LAMB4: variants seen among roughly 807,000 people sequenced by gnomAD.
The protein encoded by LAMB4 is laminin subunit beta-4.
In LAMB4, 196 loss-of-function variants were observed where a neutral mutation model predicts 199.2. The observed-to-expected ratio is 0.98, with a 90% CI of 0.88 to 1.11. The LOEUF (loss-of-function observed/expected upper bound fraction) is 1.11. Among genes scored for constraint, LAMB4 ranks in the 50% least tolerant of loss-of-function variants. The pLI is 0.00. For missense variants in LAMB4, 2,080 were observed against 2,171.2 expected (o/e 0.96, Z 0.83); for synonymous variants, 744 against 770.6 (o/e 0.97, Z 0.57).
chr7:108,117,635 T>C (rs987812346), intron 2 of LAMB4, among the ~76,000 whole-genome samples: 2 of 152,116 alleles, frequency 1.3e-5, no homozygotes, highest in Non-Finnish European at 2.9e-5. Context: ...GGCGAGTCCA[T>C]ACGGTAAAGT....
At chr7:108,047,833 G>T in intron 28 of LAMB4, 75 bp downstream of exon 28, 1 of 1,173,718 alleles carries the variant, frequency 8.5e-7, no homozygotes, top group Non-Finnish European at 1.3e-6. Flanking sequence ...AAGTTATATG[G>T]CAGTTTTATA....
intron 31 of LAMB4, among the ~76,000 whole-genome samples, 177 bp from the exon 32 acceptor site, chr7:108,031,156 A>G (rs947918536): frequency 2.0e-5 from 3 of 151,856 alleles, no homozygotes; most frequent in African/African-American, 7.2e-5. Flanking sequence ...GACATACAAA[A>G]GGGTCTGAAA....
chr7:108,026,659 G>A (rs148477156), intron 33 of LAMB4: 10 of 221,260 alleles, frequency 4.5e-5, no homozygotes, highest in Admixed American at 1.1e-4. Flanking sequence ...TTATGCCCAC[G>A]CATGCTTTCT....
At chr7:108,097,809 T>A (rs1473584488) in intron 11 of LAMB4, among the ~76,000 whole-genome samples, 1 of 152,136 alleles carries the variant, frequency 6.6e-6, no homozygotes, top group Non-Finnish European at 1.5e-5. Flanking sequence ...TTTAATGGAT[T>A]TGTATGTAGA....
At chr7:108,094,403 A>G (rs1169630511) in intron 12 of LAMB4, among the ~76,000 whole-genome samples, 2 of 151,684 alleles carry the variant, frequency 1.3e-5, no homozygotes, top group Admixed American at 6.6e-5. Context: ...CCTTCTTCAT[A>G]TTTCCTTCCT....
intron 21 of LAMB4, among the ~76,000 whole-genome samples, chr7:108,064,893 C>CTT (rs59452561): frequency 1.7e-4 from 23 of 138,810 alleles, no homozygotes; most frequent in Admixed American, 1.4e-3. Flanking sequence ...GTGTAAATAC[C>CTT]TTTTTTTTTT....
Position 108,109,156 on chromosome 7 carries a change from C to G in LAMB4, c.402+15G>C, listed in dbSNP as rs2038129376. On this transcript the variant is annotated intron_variant, in intron 5 of 33. Coordinates refer to ENST00000388781, the MANE Select transcript of LAMB4 (RefSeq NM_007356.3). ...GAATAGATAAAAGAGGGGCAGCAGG[C>G]CTATTAGTCTGTACCTTAAAGGTCA... 6.3e-7 allele frequency: 1 copy of G among 1,576,588 alleles called. No individual in the cohort carries two copies. Among genetic ancestry groups the G allele is most frequent in the Non-Finnish European group, 8.7e-7 (1 of 1,146,366 alleles).
chr7:108,076,271 G>T (rs1563069563), intron 17 of LAMB4, among the ~76,000 whole-genome samples: 1 of 152,122 alleles, frequency 6.6e-6, no homozygotes, highest in Non-Finnish European at 1.5e-5. Context: ...CAAGGGACAA[G>T]CCTGGGTCTG....
Position 108,116,144 on chromosome 7 carries a change from T to C in LAMB4, c.52A>G (p.Lys18Glu). 1 of 1,613,924 alleles carries C rather than the reference T, an allele frequency of 6.2e-7. No individual in the cohort carries two copies. The highest frequency in any genetic ancestry group is 8.5e-7 in the Non-Finnish European group (1 of 1,179,894). ...FLHLGWLSYS[K>E]AQDDCNRGAC... is the part of the protein sequence containing the mutation. ...CCCCTGTTGCAGTCATCTTGAGCTTTTGAGTAACTGAGCCACCCTTGAACA... is the reference window on the plus strand; with the variant it reads ...CCCCTGTTGCAGTCATCTTGAGCTTCTGAGTAACTGAGCCACCCTTGAACA... Residue 18 changes from lysine to glutamate, a missense_variant, in exon 3 of 34, where the codon AAA becomes GAA. Coordinates refer to ENST00000388781, the MANE Select transcript of LAMB4 (RefSeq NM_007356.3).
intron 32 of LAMB4, 68 bp downstream of exon 32, chr7:108,030,738 G>T: frequency 2.7e-6 from 4 of 1,463,622 alleles, no homozygotes; most frequent in Non-Finnish European, 3.8e-6. Context: ...AAAAATCTGG[G>T]GTTAAAGAAC....
chr7:108,090,444 T>A (rs2037353929), intron 14 of LAMB4, among the ~76,000 whole-genome samples: 1 of 152,186 alleles, frequency 6.6e-6, no homozygotes, highest in South Asian at 2.1e-4. Context: ...GTCCTGGATA[T>A]TTTTCCTTAA....
At chr7:108,112,713 A>G (rs1470305500) in intron 3 of LAMB4, among the ~76,000 whole-genome samples, 2 of 152,224 alleles carry the variant, frequency 1.3e-5, no homozygotes, top group Non-Finnish European at 2.9e-5. Context: ...GGATTTCCAA[A>G]GCACTGTCAG....
At chr7:108,021,135 T>C (rs937483526), downstream of LAMB4, among the ~76,000 whole-genome samples, 2 of 152,228 alleles carry the variant, frequency 1.3e-5, no homozygotes, top group Non-Finnish European at 2.9e-5. Context: ...TTATAAAATA[T>C]ATTTCATTTT....
Position 108,066,555 on chromosome 7 carries a change from T to C in LAMB4, c.2492A>G (p.Gln831Arg). The C allele has an allele frequency of 1.2e-6, 2 of 1,613,616 alleles. No individual in the cohort carries two copies. The highest frequency in any genetic ancestry group is 1.6e-4 in the Middle Eastern group (1 of 6,062). ...ATGGCAGGGGCACTGTCCTGTTACT[T>C]GGTCACATACAGTGTCCTTTGATCC... ...PQGSKDTVCD[Q>R]VTGQCPCHGE... The change falls in exon 20 of 34, where the codon CAA becomes CGA. Residue 831 changes from glutamine (Q) to arginine (R), a missense_variant. Transcript: ENST00000388781.
intron 14 of LAMB4, among the ~76,000 whole-genome samples, chr7:108,080,308 C>T (rs1408831953): frequency 6.6e-6 from 1 of 152,134 alleles, no homozygotes; most frequent in African/African-American, 2.4e-5. Flanking sequence ...TAATTAGAAT[C>T]CCTGACGGTC....
Position 108,079,719 on chromosome 7 carries a change from G to A in LAMB4, c.1769C>T (p.Pro590Leu), listed in dbSNP as rs1480852450. ...AAATCCAGGTCCAGTCCATGTAACAGGGTTCCCAGGAACTGGCTCTCCTAA... is the reference window on the plus strand; with the variant it reads ...AAATCCAGGTCCAGTCCATGTAACAAGGTTCCCAGGAACTGGCTCTCCTAA... ...VVLGEPVPGN[P>L]VTWTGPGFAR... Residue 590 changes from proline to leucine, a missense_variant, in exon 15 of 34, where the codon CCT becomes CTT. Pro to Leu is a moderately conservative substitution (Grantham distance 98). Transcript: ENST00000388781. 2 of 1,611,470 alleles carry A rather than the reference G, an allele frequency of 1.2e-6. No homozygotes were observed. The highest frequency in any genetic ancestry group is 1.7e-6 in the Non-Finnish European group (2 of 1,179,092).
intron 2 of LAMB4, among the ~76,000 whole-genome samples, chr7:108,116,573 G>A (rs371578388): frequency 1.3e-5 from 2 of 152,044 alleles, no homozygotes; most frequent in East Asian, 1.9e-4. Flanking sequence ...AAACTAAAAC[G>A]AACAAAACAA....
At chr7:108,100,102 T>C (rs1455206590) in intron 10 of LAMB4, among the ~76,000 whole-genome samples, 1 of 152,220 alleles carries the variant, frequency 6.6e-6, no homozygotes, top group Admixed American at 6.5e-5. Flanking sequence ...AATTTAATTA[T>C]GCACAGAAGT....
Position 108,116,016 on chromosome 7 carries a change from G to A in LAMB4, c.180C>T (p.Leu60=), listed in dbSNP as rs755458721. 90 of 1,611,946 alleles carry A rather than the reference G, an allele frequency of 5.6e-5. No individual in the cohort carries two copies. Among genetic ancestry groups the A allele is most frequent in the Admixed American group, 6.7e-5 (4 of 59,810 alleles). Reference sequence around the variant, plus strand: ...AGAGCCAACCCACCTCCAGGTAACTGAGGATGCAGTATTTCTGGGCTCTGC... The same window carrying A: ...AGAGCCAACCCACCTCCAGGTAACTAAGGATGCAGTATTTCTGGGCTCTGC... ...GLSRAQKYCI[L]SYLEGEQKCF... The change falls in exon 3 of 34, where the codon CTC becomes CTT. Residue 60 remains leucine (L), a synonymous_variant. Coordinates refer to ENST00000388781, the MANE Select transcript of LAMB4 (RefSeq NM_007356.3).
Sources: allele counts gnomAD v4.1 joint callset (sites outside exome capture counted in the v4.1 genomes callset), GRCh38; gene constraint gnomAD v4.1.1; transcripts MANE v1.5; gene names NCBI Gene and HGNC (gene_info 2026-07-23, HGNC 2026-07-21).